Variants in CYP4F2 observed in about 807,000 individuals in gnomAD.
CYP4F2 encodes the protein cytochrome P450 4F2.
Under a neutral mutation model 58.9 loss-of-function variants are expected in CYP4F2, and 58 were observed. The ratio of observed to expected loss-of-function variants is 0.98; its 90% CI spans 0.80 to 1.23. The LOEUF (loss-of-function observed/expected upper bound fraction) is 1.23. Ranked by LOEUF, CYP4F2 falls within the 50% of genes most tolerant of loss-of-function variation. The probability of loss-of-function intolerance (pLI) is 0.00; values close to 1 mark genes in which losing one functional copy is unlikely to be tolerated. For synonymous variants in CYP4F2, 287 were observed against 261.1 expected, an observed-to-expected ratio of 1.10 and a Z score of -0.95; for missense variants, 616 against 685.6, an observed-to-expected ratio of 0.90 and a Z score of 1.13.
At chr19:15,889,979 C>T (rs917780494) in intron 6 of CYP4F2, among the ~76,000 whole-genome samples, 5 of 152,256 alleles carry the variant, frequency 3.3e-5, no homozygotes, top group South Asian at 2.1e-4. Context: ...AGTCCTGACC[C>T]GTCTCCTTGA....
intron 9 of CYP4F2, among the ~76,000 whole-genome samples, chr19:15,883,779 G>T (rs1022461443): frequency 6.6e-6 from 1 of 152,140 alleles, no homozygotes; most frequent in East Asian, 1.9e-4. Context: ...AAAATGTGGC[G>T]GCCGGGTGCG....
At chr19:15,890,461 G>A (rs1405137670) in intron 5 of CYP4F2, 28 bp from the exon 6 acceptor site, 1 of 1,613,002 alleles carries the variant, frequency 6.2e-7, no homozygotes, top group East Asian at 2.2e-5. Context: ...CAGAGCTGGG[G>A]CAGGCTCCTT....
In CYP4F2 at chr19:15,889,475, G is replaced by A. The variant is rs769740008; in HGVS notation, c.866C>T (p.Ala289Val). 1 of 1,614,150 alleles carries A rather than the reference G, an allele frequency of 6.2e-7. No homozygotes were observed. The highest frequency in any genetic ancestry group is 1.1e-5 in the South Asian group (1 of 91,078). The change falls in exon 7 of 13, where the codon GCC (alanine) becomes GTC (valine). Residue 289 changes from alanine (A) to valine (V), a missense_variant. Physicochemically the swap from Ala to Val is moderately conservative, Grantham distance 64. Transcript: ENST00000221700. Reference sequence around the variant, plus strand: ...GTCCAAAGTCTTGGATTTGGCCTTGGCTTGGAGGAAGTCATCAACACCCTG... The same window carrying A: ...GTCCAAAGTCTTGGATTTGGCCTTGACTTGGAGGAAGTCATCAACACCCTG... The part of the protein sequence containing the change: ...PSQGVDDFLQ[A>V]KAKSKTLDFI...
rs532470127 is a variant in CYP4F2, at chr19:15,898,013, C to T, written c.-2+13G>A. On this transcript the variant is annotated intron_variant, in intron 1 of 12. Coordinates refer to ENST00000221700, the MANE Select transcript of CYP4F2 (RefSeq NM_001082.5). ...CAGGACCCCCCCCAGGCCTGCCACC[C>T]CCAGCCTGGCACCTTCTGTCAGGAG... 14 of 236,114 alleles carry T rather than the reference C, an allele frequency of 5.9e-5. No homozygotes were observed. The highest frequency in any genetic ancestry group is 1.2e-4 in the Non-Finnish European group (14 of 121,388). 14.6% of individuals were successfully genotyped at this position (236,114 alleles called of 1,614,324 possible). A position where few individuals can be genotyped will look rare whatever the true frequency, so the allele number is the denominator to read the frequency against.
intron 7 of CYP4F2, among the ~76,000 whole-genome samples, chr19:15,886,794 C>A (rs534280503): frequency 1.0e-3 from 155 of 152,214 alleles, no homozygotes; most frequent in Middle Eastern, 3.2e-3. Context: ...CCATCTCTCA[C>A]AAAGCTACCA....
intron 9 of CYP4F2, among the ~76,000 whole-genome samples, chr19:15,880,608 A>G (rs750638146): frequency 1.1e-4 from 17 of 150,870 alleles, no homozygotes; most frequent in Non-Finnish European, 1.9e-4. Flanking sequence ...AACCTGGGCG[A>G]TAGAGACTGC....
At position 15,897,536 on chromosome 19, in the gene CYP4F2, C is replaced by A; in HGVS notation, c.76G>T (p.Gly26Trp). 1 of 1,614,006 alleles carries A rather than the reference C, an allele frequency of 6.2e-7. No homozygotes were observed. Among genetic ancestry groups the A allele is most frequent in the Non-Finnish European group, 8.5e-7 (1 of 1,179,972 alleles). ...ACATGGGCCAGGAGCCAGGAGGCCC[C>A]GACCAGCAGGAGGAGCAGCCAAGGG... The part of the protein sequence containing the change: ...ASPWLLLLLV[G>W]ASWLLAHVLA... Residue 26 changes from glycine (G) to tryptophan (W), a missense_variant, in exon 2 of 13, where the codon GGG (glycine) becomes TGG (tryptophan). Coordinates refer to ENST00000221700, the MANE Select transcript of CYP4F2 (RefSeq NM_001082.5).
intron 2 of CYP4F2, 86 bp from the exon 3 acceptor site, chr19:15,895,736 G>A (rs768633255): frequency 3.2e-5 from 47 of 1,489,820 alleles, no homozygotes; most frequent in Non-Finnish European, 4.2e-5. Context: ...CCAGGTAGTT[G>A]GTCAAACATT....
chr19:15,883,382 A>G (rs1238131813), intron 9 of CYP4F2, among the ~76,000 whole-genome samples: 1 of 152,174 alleles, frequency 6.6e-6, no homozygotes, highest in Non-Finnish European at 1.5e-5. Context: ...AAAATGCTCA[A>G]TGTCACTAAT....
chr19:15,885,846 G>A (rs2089374391), intron 9 of CYP4F2, 78 bp downstream of exon 9: 1 of 1,543,682 alleles, frequency 6.5e-7, no homozygotes, highest in Admixed American at 1.9e-5. Context: ...AACAAAAACA[G>A]CTTTTCCTCC....
chr19:15,889,979 C>G (rs917780494), intron 6 of CYP4F2, among the ~76,000 whole-genome samples: 1 of 152,140 alleles, frequency 6.6e-6, no homozygotes, highest in Admixed American at 6.5e-5. Context: ...AGTCCTGACC[C>G]GTCTCCTTGA....
intron 3 of CYP4F2, chr19:15,893,825 C>T (rs2089431605): frequency 7.9e-6 from 2 of 254,266 alleles, no homozygotes; most frequent in Non-Finnish European, 1.7e-5. Flanking sequence ...AGCCCATATC[C>T]CCAAAGGTGC....
Position 15,889,459 on chromosome 19 carries a change from C to G in CYP4F2, c.882G>C (p.Lys294Asn), listed in dbSNP as rs141701072. 11 of 1,614,020 alleles carry G rather than the reference C, an allele frequency of 6.8e-6. No homozygotes were observed. In the African/African-American group the frequency reaches 1.5e-4, roughly 22 times the overall value. Residue 294 changes from lysine to asparagine, a missense_variant, in exon 7 of 13, where the codon AAG becomes AAC. Lys to Asn is a moderately conservative substitution (Grantham distance 94). Transcript: ENST00000221700. ...DDFLQAKAKSKTLDFIDVLLL... is the reference protein window; with the variant it reads ...DDFLQAKAKSNTLDFIDVLLL... Reference sequence around the variant, plus strand: ...GGAGTACATCAATGAAGTCCAAAGTCTTGGATTTGGCCTTGGCTTGGAGGA... The same window carrying G: ...GGAGTACATCAATGAAGTCCAAAGTGTTGGATTTGGCCTTGGCTTGGAGGA...
intron 1 of CYP4F2, 165 bp from the exon 2 acceptor site, chr19:15,897,777 C>G (rs1445057541): frequency 2.6e-6 from 2 of 776,376 alleles, no homozygotes; most frequent in Non-Finnish European, 4.0e-6. Flanking sequence ...AAAGGCCCAA[C>G]CAAAACCAGC....
At chr19:15,884,561 T>C (rs1002404950) in intron 9 of CYP4F2, among the ~76,000 whole-genome samples, 1 of 152,216 alleles carries the variant, frequency 6.6e-6, no homozygotes, top group Non-Finnish European at 1.5e-5. Context: ...TCTTTACCAG[T>C]TATATGAATG....
chr19:15,879,371 A>G lies in CYP4F2; in HGVS notation c.1372T>C (p.Phe458Leu), dbSNP rs1203222176. The G allele has an allele frequency of 3.1e-6, 5 of 1,614,064 alleles. No homozygotes were observed. The highest frequency in any genetic ancestry group is 4.2e-6 in the Non-Finnish European group (5 of 1,180,006). Reference sequence around the variant, plus strand: ...CTGGGCCCTGCCGAGAAGGGAATAAAAGCCAGAGGTGACCTCTCCTTGATG... The same window carrying G: ...CTGGGCCCTGCCGAGAAGGGAATAAGAGCCAGAGGTGACCTCTCCTTGATG... ...ENIKERSPLA[F>L]IPFSAGPRNC... The change falls in exon 12 of 13, where the codon TTT becomes CTT. Residue 458 changes from phenylalanine (F) to leucine (L), a missense_variant. Physicochemically the swap from Phe to Leu is conservative, Grantham distance 22. Transcript: ENST00000221700.
rs761174992 is a variant in CYP4F2 at position 15,890,518 on chromosome 19, C to A, written c.526-85G>T. On this transcript the variant is annotated intron_variant, in intron 5 of 12. Transcript: ENST00000221700. Reference sequence around the variant, plus strand: ...ACCCCAACTGCCAAGATGGGCTCCCCAGAATAAGCCTCTTCATCTTCTCCC... The same window carrying A: ...ACCCCAACTGCCAAGATGGGCTCCCAAGAATAAGCCTCTTCATCTTCTCCC... 3.1e-4 allele frequency: 478 copies of A among 1,557,620 alleles called. 1 individual carries two copies. Among genetic ancestry groups the A allele is most frequent in the Middle Eastern group, 3.0e-3 (16 of 5,388 alleles).
chr19:15,892,480 C>G, intron 4 of CYP4F2, 44 bp from the exon 5 acceptor site: 1 of 1,614,058 alleles, frequency 6.2e-7, no homozygotes. Context: ...CTCTCCCTCC[C>G]CTGGCCCCCC....
chr19:15,897,743 A>T, intron 1 of CYP4F2, 131 bp from the exon 2 acceptor site: 1 of 1,159,854 alleles, frequency 8.6e-7, no homozygotes, highest in Admixed American at 2.7e-5. Context: ...GATGGGTAAA[A>T]AGGGGCTGAG....
Sources: allele counts gnomAD v4.1 joint callset (sites outside exome capture counted in the v4.1 genomes callset), GRCh38; gene constraint gnomAD v4.1.1; transcripts MANE v1.5; gene names NCBI Gene and HGNC (gene_info 2026-07-23, HGNC 2026-07-21).